PRDM2: variants seen among roughly 807,000 people sequenced by gnomAD.
PRDM2 encodes the protein PR domain zinc finger protein 2.
In PRDM2, 30 loss-of-function variants were observed where a neutral mutation model predicts 130.0. That is an observed-to-expected ratio of 0.23 (90% confidence interval 0.17 to 0.31). The LOEUF (loss-of-function observed/expected upper bound fraction) is 0.31. Among genes scored for constraint, PRDM2 ranks in the 10% least tolerant of loss-of-function variants. The pLI is 1.00. For synonymous variants in PRDM2, 871 were observed against 782.4 expected (o/e 1.11, Z -1.89); for missense variants, 2,011 against 2,108.4 (o/e 0.95, Z 0.90).
chr1:13,793,255 C>T lies in PRDM2; in HGVS notation c.5036+10424C>T, dbSNP rs111647948. 5.5e-3 allele frequency among the ~76,000 whole-genome samples: 832 copies of T among 152,322 alleles called. 7 individuals carry two copies. Among genetic ancestry groups the T allele is most frequent in the African/African-American group, 0.019 (790 of 41,558 alleles). ...TGCCCCCCACCTGCCACATGCCGTG[C>T]GCGTTACAGAAGGCAGCATGTGTTC... On this transcript the variant is annotated intron_variant, in intron 8 of 9. Coordinates refer to ENST00000311066, the MANE Select transcript of PRDM2 (RefSeq NM_001393986.1).
Position 13,781,786 on chromosome 1 carries a change from A to C in PRDM2, c.3991A>C (p.Thr1331Pro), listed in dbSNP as rs1570016942. 6.2e-7 allele frequency: 1 copy of C among 1,614,174 alleles called. No homozygotes were observed. The highest frequency in any genetic ancestry group is 8.5e-7 in the Non-Finnish European group (1 of 1,180,046). The change falls in exon 8 of 10, where the codon ACC becomes CCC. Residue 1331 changes from threonine (T) to proline (P), a missense_variant. Around this residue, in one of 5 missense-constraint regions of PRDM2, gnomAD observed 229 missense variants for 364.1 expected, o/e 0.63. Coordinates refer to ENST00000311066, the MANE Select transcript of PRDM2 (RefSeq NM_001393986.1). The surrounding 1 kb of genome is among the most constrained non-coding windows in gnomAD (Gnocchi z 6.1). ...ACACAATATTCCACAGACTTTCACT[A>C]CCGCCATTCGCTGCACAAAGTGTGG... ...TTHNIPQTFTTAIRCTKCGKG... is the reference protein window; with the variant it reads ...TTHNIPQTFTPAIRCTKCGKG...
intron 2 of PRDM2, 134 bp downstream of exon 2, chr1:13,715,748 T>C (rs1642512681): frequency 1.4e-6 from 1 of 725,250 alleles, no homozygotes. Context: ...CATTAATTAG[T>C]TCATTGTGTT....
At chr1:13,785,814 C>T (rs535468992) in intron 8 of PRDM2, among the ~76,000 whole-genome samples, 3 of 151,070 alleles carry the variant, frequency 2.0e-5, no homozygotes, top group South Asian at 4.2e-4. Flanking sequence ...CCTTTGTAAA[C>T]CCCACGGTGT....
At chr1:13,725,456 C>T (rs987999845) in intron 2 of PRDM2, among the ~76,000 whole-genome samples, 2 of 152,146 alleles carry the variant, frequency 1.3e-5, no homozygotes, top group African/African-American at 4.8e-5. Context: ...CTGCCTGCCT[C>T]GGCCTCCCAA....
In PRDM2 at chr1:13,780,689, T is replaced by C. The variant is rs1644589326; in HGVS notation, c.2894T>C (p.Leu965Ser). Residue 965 changes from leucine to serine, a missense_variant, in exon 8 of 10, where the codon TTG (leucine) becomes TCG (serine). Leu to Ser is a moderately radical substitution (Grantham distance 145, BLOSUM62 -2). Around this residue, in one of 5 missense-constraint regions of PRDM2, gnomAD observed 1,288 missense variants for 1,237.7 expected, o/e 1.04. Coordinates refer to ENST00000311066, the MANE Select transcript of PRDM2 (RefSeq NM_001393986.1). Reference protein sequence around the residue: ...SLSSGQLPPLLIPTDPSSPPP... With the variant: ...SLSSGQLPPLSIPTDPSSPPP... ...TCATCCGGTCAGCTGCCTCCTCTCT[T>C]GATCCCCACAGATCCCTCTTCCCCT... 1 of 1,609,472 alleles carries C rather than the reference T, an allele frequency of 6.2e-7. No individual in the cohort carries two copies. Among genetic ancestry groups the C allele is most frequent in the Admixed American group, 1.7e-5 (1 of 59,686 alleles).
chr1:13,745,354 G>C (rs1643570891), intron 5 of PRDM2, among the ~76,000 whole-genome samples: 1 of 152,020 alleles, frequency 6.6e-6, no homozygotes, highest in Non-Finnish European at 1.5e-5. Context: ...CCATGCAAAA[G>C]GTCTGCTGGA....
intron 7 of PRDM2, among the ~76,000 whole-genome samples, chr1:13,774,804 G>A (rs997776088): frequency 4.6e-5 from 7 of 151,912 alleles, no homozygotes; most frequent in Non-Finnish European, 7.4e-5. Flanking sequence ...GTGAAACCCC[G>A]TCTCTACTAA....
At chr1:13,718,745 C>T (rs762010706) in intron 2 of PRDM2, among the ~76,000 whole-genome samples, 1 of 152,150 alleles carries the variant, frequency 6.6e-6, no homozygotes. Context: ...TGTGCCTCCT[C>T]CCCTGGCTCT....
intron 2 of PRDM2, among the ~76,000 whole-genome samples, chr1:13,730,007 G>A (rs1482826152): frequency 6.6e-6 from 1 of 152,198 alleles, no homozygotes; most frequent in African/African-American, 2.4e-5. Flanking sequence ...CTTCCTGGTT[G>A]TGGGAAAAAT....
In PRDM2 at chr1:13,767,467, ATTTTT is replaced by A. The variant is rs372707092; in HGVS notation, c.512-5598_512-5594del. Among the ~76,000 whole-genome samples, 67 of 113,992 alleles carry A rather than the reference ATTTTT, an allele frequency of 5.9e-4. 1 individual carries two copies. Among genetic ancestry groups the A allele is most frequent in the African/African-American group, 1.9e-3 (59 of 30,724 alleles). The allele number at this position is 113,992 out of a possible 152,430, so 74.8% of individuals were successfully genotyped here. On this transcript the variant is annotated intron_variant, in intron 6 of 9. Coordinates refer to ENST00000311066, the MANE Select transcript of PRDM2 (RefSeq NM_001393986.1). ...CCACCACGCACAGCTAATTTTTTCTATTTTTTTTTTTTTTTTTGGTAGATACGGGG... is the reference window on the plus strand; with the variant it reads ...CCACCACGCACAGCTAATTTTTTCTATTTTTTTTTTTTGGTAGATACGGGG...
chr1:13,754,149 A>G (rs755465832), intron 6 of PRDM2, among the ~76,000 whole-genome samples: 3 of 152,206 alleles, frequency 2.0e-5, no homozygotes, highest in Non-Finnish European at 4.4e-5. Flanking sequence ...AGAGGGACCT[A>G]GTTCTATTAG....
At chr1:13,717,719 T>C (rs188719732) in intron 2 of PRDM2, among the ~76,000 whole-genome samples, 36 of 152,282 alleles carry the variant, frequency 2.4e-4, no homozygotes, top group African/African-American at 8.7e-4. Flanking sequence ...TTCGTTTTGC[T>C]TTTGACAAGT....
Position 13,742,046 on chromosome 1 carries a change from T to C in PRDM2, c.273T>C (p.Thr91=). The C allele has an allele frequency of 6.3e-7, 1 of 1,595,582 alleles. No individual in the cohort carries two copies. Among genetic ancestry groups the C allele is most frequent in the Non-Finnish European group, 8.6e-7 (1 of 1,163,162 alleles). ...TGGGATGGATGTGCATTGATGCCAC[T>C]GATCCAGAGAAGGGAAACTGGCTGC... is the stretch of plus-strand genomic sequence containing the variant. ...PNLGWMCIDA[T]DPEKGNWLRY... The change falls in exon 5 of 10, where the codon ACT becomes ACC. Residue 91 remains threonine (T), a synonymous_variant. Coordinates refer to ENST00000311066, the MANE Select transcript of PRDM2 (RefSeq NM_001393986.1).
Position 13,749,405 on chromosome 1 carries a change from A to C in PRDM2, c.429A>C (p.Glu143Asp), listed in dbSNP as rs1396727646. ...GEELLVWYNGEDNPEIAAAIE... is the reference protein window; with the variant it reads ...GEELLVWYNGDDNPEIAAAIE... ...AGCTCCTGGTCTGGTACAATGGGGA[A>C]GACAACCCTGAGATAGCAGCTGCGA... The change falls in exon 6 of 10, where the codon GAA (glutamate) becomes GAC (aspartate). Residue 143 changes from glutamate to aspartate, a missense_variant. Around this residue, in one of 5 missense-constraint regions of PRDM2, gnomAD observed 1,288 missense variants for 1,237.7 expected, o/e 1.04. Transcript: ENST00000311066. 1 of 1,504,816 alleles carries C rather than the reference A, an allele frequency of 6.6e-7. No homozygotes were observed. 93.2% of individuals were successfully genotyped at this position (1,504,816 alleles called of 1,614,324 possible). A position where few individuals can be genotyped will look rare whatever the true frequency, so the allele number is the denominator to read the frequency against.
At position 13,722,010 on chromosome 1, in the gene PRDM2, C is replaced by A. The variant is rs180970797; in HGVS notation, c.9+6396C>A. Among the ~76,000 whole-genome samples, 11 of 152,254 alleles carry A rather than the reference C, an allele frequency of 7.2e-5. No homozygotes were observed. The East Asian group carries it at 1.7e-3, about 24-fold the overall frequency. The stretch of plus-strand genomic sequence containing the variant: ...GGCTAGTGCCTGACATAGGAAACAC[C>A]GTAAATTATTATTTATTACTGTTAT... On this transcript the variant is annotated intron_variant, in intron 2 of 9. Transcript: ENST00000311066.
At chr1:13,807,377 G>A (rs1351374454) in intron 8 of PRDM2, among the ~76,000 whole-genome samples, 1 of 152,202 alleles carries the variant, frequency 6.6e-6, no homozygotes, top group Non-Finnish European at 1.5e-5. Flanking sequence ...GTGCCTCCGT[G>A]ACAAACCAGC....
intron 1 of PRDM2, among the ~76,000 whole-genome samples, chr1:13,703,915 C>T (rs1481905998): frequency 1.3e-5 from 2 of 152,174 alleles, no homozygotes; most frequent in African/African-American, 2.4e-5. Flanking sequence ...GGCAATAAGG[C>T]TTACTTTTGA....
chr1:13,772,484 C>CCCTTAGGGCT (rs1553160063), intron 6 of PRDM2, among the ~76,000 whole-genome samples: 3 of 152,184 alleles, frequency 2.0e-5, no homozygotes, highest in African/African-American at 7.2e-5. Flanking sequence ...ACAGTCAGAT[C>CCCTTAGGGCT]CCTTAGGGCT....
chr1:13,713,671 G>A (rs888047345), intron 1 of PRDM2, among the ~76,000 whole-genome samples: 1 of 152,172 alleles, frequency 6.6e-6, no homozygotes, highest in Non-Finnish European at 1.5e-5. Context: ...ACTCCCCTGA[G>A]CCAGTGTTAA....
Sources: allele counts gnomAD v4.1 joint callset (sites outside exome capture counted in the v4.1 genomes callset), GRCh38; gene constraint gnomAD v4.1.1; regional missense constraint gnomAD v4.1.1; non-coding constraint Gnocchi (gnomAD v3.1); transcripts MANE v1.5; gene names NCBI Gene and HGNC (gene_info 2026-07-23, HGNC 2026-07-21).